Variants in AZIN2 observed in about 807,000 individuals in gnomAD.
AZIN2 encodes the protein ODC antizyme inhibitor-2.
Under a neutral mutation model 47.8 loss-of-function variants are expected in AZIN2, and 28 were observed. That is an observed-to-expected ratio of 0.59 (90% CI 0.43 to 0.80). AZIN2 has a LOEUF of 0.80. Among genes scored for constraint, AZIN2 ranks in the 30% least tolerant of loss-of-function variants. The pLI is 0.00. For synonymous variants in AZIN2, 221 were observed against 239.4 expected, an observed-to-expected ratio of 0.92 and a Z score of 0.71; for missense variants, 535 against 582.5, an observed-to-expected ratio of 0.92 and a Z score of 0.84.
the AZIN2 span, among the ~76,000 whole-genome samples, chr1:33,162,509 C>T: frequency 2.0e-5 from 3 of 152,218 alleles, no homozygotes; most frequent in Admixed American, 1.3e-4. Context: ...AATGACATCT[C>T]CCTCGGCTCT....
chr1:33,088,591 C>T (rs1203239634), intron 5 of AZIN2, among the ~76,000 whole-genome samples: 1 of 152,234 alleles, frequency 6.6e-6, no homozygotes, highest in Admixed American at 6.5e-5. Context: ...TCCTTGGCAG[C>T]TCTGCCCCTC....
the AZIN2 span, chr1:33,147,003 G>T: frequency 1.5e-6 from 1 of 647,772 alleles, no homozygotes. This position sits in a 1 kb window ranked among gnomAD's most constrained non-coding sequence, Gnocchi z 8.1. Context: ...CTGGAAGAGA[G>T]TTTAGGAAGT....
intron 10 of AZIN2, among the ~76,000 whole-genome samples, chr1:33,108,697 CT>C: frequency 6.6e-6 from 1 of 152,184 alleles, no homozygotes; most frequent in East Asian, 1.9e-4. Flanking sequence ...CCTTTCATGG[CT>C]TGATAGCTCA....
chr1:33,106,870 A>G (rs1002051334), intron 10 of AZIN2, among the ~76,000 whole-genome samples: 1 of 152,210 alleles, frequency 6.6e-6, no homozygotes, highest in Non-Finnish European at 1.5e-5. Context: ...CACCACTTCT[A>G]TTTAGTGTGG....
At chr1:33,160,427 G>T in the AZIN2 span, among the ~76,000 whole-genome samples, 20 of 152,070 alleles carry the variant, frequency 1.3e-4, no homozygotes, top group Non-Finnish European at 2.5e-4. Context: ...TTTTTGAGAT[G>T]GAGTTTTGCT....
Position 33,094,540 on chromosome 1 carries a change from C to T in AZIN2, c.588-8C>T, listed in dbSNP as rs1216430660. 1.2e-6 allele frequency: 2 copies of T among 1,607,116 alleles called. No individual in the cohort carries two copies. The highest frequency in any genetic ancestry group is 1.7e-5 in the Admixed American group (1 of 59,804). Reference sequence around the variant, plus strand: ...GCATGTCAGCCGAGGCTCTTCCTCTCTTCCCAGTTTTCACATTGGCAGTGG... The same window carrying T: ...GCATGTCAGCCGAGGCTCTTCCTCTTTTCCCAGTTTTCACATTGGCAGTGG... On this transcript the variant is annotated splice_region_variant and splice_polypyrimidine_tract_variant and intron_variant, in intron 7 of 11. Transcript: ENST00000294517.
chr1:33,117,791 T>C, intron 10 of AZIN2, 111 bp from the exon 11 acceptor site: 2 of 1,216,558 alleles, frequency 1.6e-6, no homozygotes, highest in East Asian at 2.3e-5. Context: ...AGGAGGCCCA[T>C]CTAGACTTTA....
the AZIN2 span, among the ~76,000 whole-genome samples, chr1:33,158,907 C>G: frequency 5.3e-5 from 8 of 151,752 alleles, no homozygotes; most frequent in African/African-American, 1.9e-4. Context: ...ATGGCGCGAT[C>G]TCAGCTCACT....
rs774729379 is a variant in AZIN2 at position 33,120,159 on chromosome 1, T to C, written c.1360T>C (p.Phe454Leu). ...AGACACCCTGTGCGTGGGCCCTGTC[T>C]TCACCCCAGCGAGCATCATGTGAGT... is the stretch of plus-strand genomic sequence containing the variant. ...ITDTLCVGPV[F>L]TPASIM Residue 454 changes from phenylalanine (F) to leucine (L), a missense_variant, in exon 12 of 12, where the codon TTC (phenylalanine) becomes CTC (leucine). Physicochemically the swap from Phe to Leu is conservative, Grantham distance 22. This residue lies in a region of AZIN2 where 122 missense variants were observed against 135.8 expected (regional missense o/e 0.90). Coordinates refer to ENST00000294517, the MANE Select transcript of AZIN2 (RefSeq NM_052998.4). The C allele has an allele frequency of 1.2e-6, 2 of 1,611,750 alleles. 1 individual carries two copies. Among genetic ancestry groups the C allele is most frequent in the African/African-American group, 2.7e-5 (2 of 74,870 alleles).
chr1:33,083,738 T>C lies in AZIN2; in HGVS notation c.106-216T>C, dbSNP rs1002608910. The C allele has an allele frequency of 4.2e-5, 24 of 577,448 alleles. 1 individual carries two copies. The highest frequency in any genetic ancestry group is 7.5e-5 in the Non-Finnish European group (24 of 320,976). The allele number at this position is 577,448 out of a possible 1,614,324, so 35.8% of individuals were successfully genotyped here. On this transcript the variant is annotated intron_variant, in intron 4 of 11. Coordinates refer to ENST00000294517, the MANE Select transcript of AZIN2 (RefSeq NM_052998.4). Reference sequence around the variant, plus strand: ...GCCTACAGCTGGAGTTTTAGCCGCATTGAGGGGAGGGATTGGGGCTAGATC... The same window carrying C: ...GCCTACAGCTGGAGTTTTAGCCGCACTGAGGGGAGGGATTGGGGCTAGATC...
At chr1:33,147,077 C>G in the AZIN2 span, 1 of 1,379,452 alleles carries the variant, frequency 7.2e-7, no homozygotes. This position sits in a 1 kb window ranked among gnomAD's most constrained non-coding sequence, Gnocchi z 8.1. Context: ...CTGAGGTCTC[C>G]AGTGGCCACG....
Position 33,108,232 on chromosome 1 carries a change from C to G in AZIN2, c.1030-9670C>G, listed in dbSNP as rs572772838. 6.6e-5 allele frequency among the ~76,000 whole-genome samples: 10 copies of G among 152,156 alleles called. No homozygotes were observed. The South Asian group carries it at 2.1e-3, about 32-fold the overall frequency. ...ACCAAGGACACACAATGGGAAAGGA[C>G]AGTCTCTTCCATAAATGGTGTTAGG... On this transcript the variant is annotated intron_variant, in intron 10 of 11. Coordinates refer to ENST00000294517, the MANE Select transcript of AZIN2 (RefSeq NM_052998.4).
chr1:33,147,522 G>T, the AZIN2 span: 2 of 1,613,752 alleles, frequency 1.2e-6, no homozygotes, highest in Non-Finnish European at 1.7e-6. The surrounding 1 kb of genome is among the most constrained non-coding windows in gnomAD (Gnocchi z 8.1). Flanking sequence ...TCACCCACTG[G>T]GTCTTCTCCG....
the AZIN2 span, chr1:33,159,966 G>A: frequency 6.3e-7 from 1 of 1,591,972 alleles, no homozygotes; most frequent in South Asian, 1.1e-5. This position sits in a 1 kb window ranked among gnomAD's most constrained non-coding sequence, Gnocchi z 4.2. Flanking sequence ...AGTCGTCAGG[G>A]GTTATGGCTG....
intron 10 of AZIN2, among the ~76,000 whole-genome samples, chr1:33,106,205 A>G (rs1292991319): frequency 1.3e-5 from 2 of 152,218 alleles, no homozygotes; most frequent in African/African-American, 4.8e-5. Context: ...TATTACCTAC[A>G]AAGACTCAAT....
In AZIN2 at chr1:33,103,695, C is replaced by T. The variant is rs58771936; in HGVS notation, c.1029+5516C>T. On this transcript the variant is annotated intron_variant, in intron 10 of 11. Coordinates refer to ENST00000294517, the MANE Select transcript of AZIN2 (RefSeq NM_052998.4). ...TTGTCCAGTTAGTTTCCTCTGAGTT[C>T]CCAGCACCAGACACAGTGCCTGGCA... is the stretch of plus-strand genomic sequence containing the variant. Among the ~76,000 whole-genome samples the T allele has an allele frequency of 4.4e-3, 668 of 152,232 alleles. 5 individuals are homozygous for T. The highest frequency in any genetic ancestry group is 0.015 in the African/African-American group (626 of 41,544).
chr1:33,140,580 C>T, the AZIN2 span, among the ~76,000 whole-genome samples: 1 of 152,192 alleles, frequency 6.6e-6, no homozygotes, highest in Non-Finnish European at 1.5e-5. This position sits in a 1 kb window ranked among gnomAD's most constrained non-coding sequence, Gnocchi z 4.0. Flanking sequence ...CCTGATATCC[C>T]AGGGCTTTCT....
the AZIN2 span, chr1:33,163,936 G>C: frequency 6.5e-6 from 1 of 152,906 alleles, no homozygotes; most frequent in Non-Finnish European, 1.5e-5. Flanking sequence ...ACAGGAAAGC[G>C]GGGGAGGAAG....
At chr1:33,138,376 G>C in the AZIN2 span, among the ~76,000 whole-genome samples, 2 of 152,154 alleles carry the variant, frequency 1.3e-5, no homozygotes, top group Admixed American at 1.3e-4. Context: ...TAGAAAAAAG[G>C]CTGGTCTAGG....
Sources: gnomAD v4.1 joint callset for allele counts (sites outside exome capture counted in the v4.1 genomes callset) on GRCh38, gnomAD v4.1.1 for gene constraint, gnomAD v4.1.1 regional missense constraint, Gnocchi (gnomAD v3.1) non-coding constraint, MANE v1.5 for transcripts, NCBI Gene and HGNC (gene_info 2026-07-23, HGNC 2026-07-21) for gene names.